Variants in IQSEC1 observed in about 807,000 individuals in gnomAD.
The protein encoded by IQSEC1 is IQ motif and Sec7 domain ArfGEF 1, also known as IQ motif and SEC7 domain-containing protein 1.
A neutral mutation model predicts 91.0 loss-of-function variants in IQSEC1; 31 were observed. The ratio of observed to expected loss-of-function variants is 0.34; its 90% CI spans 0.26 to 0.46. IQSEC1 has a LOEUF of 0.46. IQSEC1 is among the 20% of genes least tolerant of loss of function. IQSEC1 has a pLI of 1.00. For synonymous variants in IQSEC1, 699 were observed against 662.6 expected (o/e 1.05, Z -0.84); for missense variants, 1,388 against 1,575.6 (o/e 0.88, Z 2.02).
chr3:12,967,538 C>A lies in IQSEC1; in HGVS notation c.24-25673G>T. 7.2e-7 allele frequency: 1 copy of A among 1,379,720 alleles called. No individual in the cohort carries two copies. The highest frequency in any genetic ancestry group is 9.3e-7 in the Non-Finnish European group (1 of 1,075,308). The allele number at this position is 1,379,720 out of a possible 1,614,324, so 85.5% of individuals were successfully genotyped here. ...GACTCCCGCCAGCGAGCCGCCGGAT[C>A]CCGGGGCCGACACCCGGCCACCCGG... On this transcript the variant is annotated intron_variant, in intron 1 of 13. Transcript: ENST00000613206. The surrounding 1 kb of genome is among the most constrained non-coding windows in gnomAD (Gnocchi z 5.9).
At position 13,282,045 on chromosome 3, in the gene IQSEC1, G is replaced by T. The variant is rs574746873; in HGVS notation, c.272+666C>A. Among the ~76,000 whole-genome samples, 14 of 152,302 alleles carry T rather than the reference G, an allele frequency of 9.2e-5. No individual in the cohort carries two copies. Among genetic ancestry groups the T allele is most frequent in the African/African-American group, 3.1e-4 (13 of 41,576 alleles). On this transcript the variant is annotated intron_variant, in intron 1 of 15. Transcript: ENST00000648114. The surrounding 1 kb of genome is among the most constrained non-coding windows in gnomAD (Gnocchi z 6.4). The stretch of plus-strand genomic sequence containing the variant: ...GCTGCGAGCCGGTAGGGACGCTGGG[G>T]TCCAGGGCTGCTGGACAGCCCCGCC...
chr3:13,166,762 G>A (rs1434372539), intron 1 of IQSEC1, among the ~76,000 whole-genome samples: 1 of 152,238 alleles, frequency 6.6e-6, no homozygotes, highest in Non-Finnish European at 1.5e-5. Flanking sequence ...ACACACTGGA[G>A]CCCAGCTTGG....
chr3:13,120,843 C>T lies in IQSEC1; in HGVS notation c.302+43261G>A, dbSNP rs1479675320. ...CAAACCGGTCACCTGTGCCAGGCTT[C>T]CTGGCAGAACTTAGTCATGAATTAA... On this transcript the variant is annotated intron_variant, in intron 2 of 15. Coordinates refer to the IQSEC1 transcript ENST00000648114. Among the ~76,000 whole-genome samples the T allele has an allele frequency of 2.0e-5, 3 of 152,284 alleles. 1 individual carries two copies. Among genetic ancestry groups the T allele is most frequent in the South Asian group, 4.1e-4 (2 of 4,822 alleles).
intron 12 of IQSEC1, among the ~76,000 whole-genome samples, chr3:12,904,246 TCTGCC>T (rs1385335490): frequency 6.6e-6 from 1 of 152,216 alleles, no homozygotes; most frequent in African/African-American, 2.4e-5. Flanking sequence ...GTCCAGTTCC[TCTGCC>T]TTGTCTGCTG....
At chr3:12,981,260 T>C (rs1701442140) in intron 1 of IQSEC1, among the ~76,000 whole-genome samples, 1 of 152,184 alleles carries the variant, frequency 6.6e-6, no homozygotes, top group Non-Finnish European at 1.5e-5. Context: ...TCCTTCCCTA[T>C]AGATGAGGAT....
rs565189409 is a variant in IQSEC1, at chr3:13,264,038, C to G, written c.272+18673G>C. Among the ~76,000 whole-genome samples, 14 of 152,336 alleles carry G rather than the reference C, an allele frequency of 9.2e-5. No individual in the cohort carries two copies. The South Asian group carries it at 2.9e-3, about 32-fold the overall frequency. ...AGGCTTGGTACAGAATCATCAAGATCAAAAGATTTGCTGGAGTGGATATAA... is the reference window on the plus strand; with the variant it reads ...AGGCTTGGTACAGAATCATCAAGATGAAAAGATTTGCTGGAGTGGATATAA... On this transcript the variant is annotated intron_variant, in intron 1 of 15. Transcript: ENST00000648114.
chr3:13,240,191 C>A (rs1321184974), intron 1 of IQSEC1, among the ~76,000 whole-genome samples: 1 of 151,848 alleles, frequency 6.6e-6, no homozygotes, highest in Non-Finnish European at 1.5e-5. Context: ...CCAGCCTGGG[C>A]AACATAGCAG....
intron 1 of IQSEC1, among the ~76,000 whole-genome samples, chr3:13,196,753 T>TGTGTGC (rs1216807917): frequency 1.1e-4 from 3 of 28,084 alleles, no homozygotes; most frequent in Non-Finnish European, 1.9e-4. Context: ...TGTGTGCGTG[T>TGTGTGC]GTGTGTGTGT....
intron 13 of IQSEC1, among the ~76,000 whole-genome samples, chr3:12,902,541 A>G (rs946514486): frequency 2.6e-4 from 39 of 151,754 alleles, no homozygotes; most frequent in East Asian, 1.9e-4. Context: ...AGAGGCATGG[A>G]TATTTCTAGG....
At chr3:13,200,612 C>T (rs527374207) in intron 1 of IQSEC1, among the ~76,000 whole-genome samples, 4 of 152,346 alleles carry the variant, frequency 2.6e-5, no homozygotes, top group South Asian at 2.1e-4. Context: ...TGACTCCTGA[C>T]GGACAGGCAG....
intron 1 of IQSEC1, among the ~76,000 whole-genome samples, chr3:13,222,536 G>T (rs142112382): frequency 3.0e-3 from 451 of 152,174 alleles, no homozygotes; most frequent in Non-Finnish European, 4.8e-3. Flanking sequence ...TAACTCCTTC[G>T]GGAACCACCA....
chr3:13,159,732 A>G (rs961866144), intron 2 of IQSEC1, among the ~76,000 whole-genome samples: 7 of 152,176 alleles, frequency 4.6e-5, no homozygotes, highest in African/African-American at 1.7e-4. Context: ...CATTGAATGG[A>G]ACTTATTCCT....
intron 1 of IQSEC1, among the ~76,000 whole-genome samples, chr3:13,239,083 G>C (rs1246147521): frequency 6.6e-6 from 1 of 152,204 alleles, no homozygotes; most frequent in East Asian, 1.9e-4. Context: ...TCCCCTGCTG[G>C]GGTGGAGGAC....
chr3:13,262,882 G>A (rs937608905), intron 1 of IQSEC1, among the ~76,000 whole-genome samples: 1 of 152,186 alleles, frequency 6.6e-6, no homozygotes, highest in Non-Finnish European at 1.5e-5. Context: ...CACAGGAAGT[G>A]GCTGGGGGAG....
rs563420785 is a variant in IQSEC1, at chr3:13,262,935, G to C, written c.272+19776C>G. ...TTTAACAGGGGCAGAGTTTCAGTGT[G>C]GGAGGATGAAGAGTTCTGGAGCTCG... On this transcript the variant is annotated intron_variant, in intron 1 of 15. Transcript: ENST00000648114. Among the ~76,000 whole-genome samples, 13 of 152,300 alleles carry C rather than the reference G, an allele frequency of 8.5e-5. No individual in the cohort carries two copies. The East Asian group carries it at 2.5e-3, about 29-fold the overall frequency.
intron 1 of IQSEC1, among the ~76,000 whole-genome samples, chr3:13,056,047 T>C (rs1016550991): frequency 6.6e-6 from 1 of 151,116 alleles, no homozygotes; most frequent in Non-Finnish European, 1.5e-5. Context: ...GCAGCACGAG[T>C]CATGAGTGTC....
intron 2 of IQSEC1, among the ~76,000 whole-genome samples, chr3:13,158,734 G>A (rs1372482016): frequency 2.0e-5 from 3 of 152,192 alleles, no homozygotes; most frequent in Non-Finnish European, 4.4e-5. Flanking sequence ...GTCCGAGACA[G>A]GCAGATCACT....
intron 1 of IQSEC1, among the ~76,000 whole-genome samples, chr3:13,204,945 C>T (rs1293049093): frequency 9.2e-5 from 14 of 151,686 alleles, no homozygotes; most frequent in East Asian, 5.8e-4. Context: ...GGATTACAGG[C>T]GCGCACCACC....
intron 1 of IQSEC1, among the ~76,000 whole-genome samples, chr3:13,257,477 C>A (rs1553580423): frequency 7.2e-5 from 11 of 152,130 alleles, no homozygotes; most frequent in Non-Finnish European, 1.5e-5. Context: ...AGCATCACCC[C>A]CAACCAGACT....
Sources: gnomAD v4.1 joint callset for allele counts (sites outside exome capture counted in the v4.1 genomes callset) on GRCh38, gnomAD v4.1.1 for gene constraint, Gnocchi (gnomAD v3.1) non-coding constraint, MANE v1.5 for transcripts, NCBI Gene and HGNC (gene_info 2026-07-23, HGNC 2026-07-21) for gene names.